Variants in RPRD2 observed in about 807,000 individuals in gnomAD.
RPRD2 encodes regulation of nuclear pre-mRNA domain-containing protein 2.
A neutral mutation model predicts 104.4 loss-of-function variants in RPRD2; 12 were observed. That is an observed-to-expected ratio of 0.11 (90% CI 0.07 to 0.19). The LOEUF (loss-of-function observed/expected upper bound fraction) is 0.19. RPRD2 is among the 10% of genes least tolerant of loss of function. The pLI is 1.00. For missense variants in RPRD2, 1,543 were observed against 1,790.1 expected (o/e 0.86, Z 2.49); for synonymous variants, 714 against 684.9 (o/e 1.04, Z -0.66).
intron 8 of RPRD2, among the ~76,000 whole-genome samples, chr1:150,458,217 G>A (rs1560219056): frequency 6.6e-6 from 1 of 152,186 alleles, no homozygotes; most frequent in Non-Finnish European, 1.5e-5. Context: ...CACTTTGTGA[G>A]GCTGAGGCGG....
At chr1:150,396,929 C>T (rs1662576084) in intron 1 of RPRD2, among the ~76,000 whole-genome samples, 1 of 152,084 alleles carries the variant, frequency 6.6e-6, no homozygotes, top group Non-Finnish European at 1.5e-5. Flanking sequence ...TAATGATTAC[C>T]ATAATAAATA....
chr1:150,457,192 C>T (rs782505321), intron 7 of RPRD2, 96 bp from the exon 8 acceptor site: 55 of 1,218,518 alleles, frequency 4.5e-5, no homozygotes, highest in Non-Finnish European at 6.0e-5. Context: ...CCACTACACT[C>T]TAGCCTGGGT....
rs776502024 is a variant in RPRD2 at position 150,471,299 on chromosome 1, A to G, written c.2351A>G (p.Asn784Ser). ...RDESYPRELS[N>S]SVSTYRPFGL... ...GAAAGCTACCCCCGAGAGCTCTCCA[A>G]TTCTGTATCTACATATCGACCCTTT... The change falls in exon 11 of 11, where the codon AAT (asparagine) becomes AGT (serine). Residue 784 changes from asparagine (N) to serine (S), a missense_variant. Asn to Ser is a conservative substitution (Grantham distance 46). This residue lies in a region of RPRD2 where 880 missense variants were observed against 885.6 expected (regional missense o/e 0.99). Transcript: ENST00000369068. This position sits in a 1 kb window ranked among gnomAD's most constrained non-coding sequence, Gnocchi z 5.3. The G allele has an allele frequency of 2.5e-6, 4 of 1,613,644 alleles. No homozygotes were observed. The highest frequency in any genetic ancestry group is 3.4e-6 in the Non-Finnish European group (4 of 1,179,860).
intron 7 of RPRD2, among the ~76,000 whole-genome samples, chr1:150,447,759 G>A (rs1409874787): frequency 6.6e-6 from 1 of 152,076 alleles, no homozygotes; most frequent in Non-Finnish European, 1.5e-5. Flanking sequence ...ACTGTGTATC[G>A]CCGTAAAAGC....
chr1:150,441,327 T>G (rs1220608958), intron 3 of RPRD2: 1 of 281,422 alleles, frequency 3.6e-6, no homozygotes, highest in East Asian at 9.1e-5. Context: ...GGTTCATTGT[T>G]TGTGTTAATA....
At chr1:150,444,513 T>C in intron 6 of RPRD2, 136 bp downstream of exon 6, 2 of 750,232 alleles carry the variant, frequency 2.7e-6, no homozygotes, top group Non-Finnish European at 4.2e-6. Context: ...TCCCAGGTAG[T>C]TATTTCATGC....
intron 7 of RPRD2, among the ~76,000 whole-genome samples, chr1:150,454,412 C>T (rs1196312714): frequency 6.6e-6 from 1 of 152,064 alleles, no homozygotes; most frequent in Non-Finnish European, 1.5e-5. Flanking sequence ...GTGGCCTTAG[C>T]ACTCTCCAGT....
Position 150,473,537 on chromosome 1 carries a change from T to A in RPRD2, c.*203T>A. 1 of 222,442 alleles carries A rather than the reference T, an allele frequency of 4.5e-6. No individual in the cohort carries two copies. The highest frequency in any genetic ancestry group is 8.2e-6 in the Non-Finnish European group (1 of 121,260). The allele number at this position is 222,442 out of a possible 1,614,324, so 13.8% of individuals were successfully genotyped here. ...CTCCCTCCCATTGCACTTATCTACC[T>A]TCCCCAAGTTGTTTGTATTAAAAAA... On this transcript the variant is annotated 3_prime_UTR_variant, in exon 11 of 11. Coordinates refer to ENST00000369068, the MANE Select transcript of RPRD2 (RefSeq NM_015203.5).
intron 7 of RPRD2, among the ~76,000 whole-genome samples, chr1:150,447,830 T>C (rs1321295783): frequency 2.0e-5 from 3 of 152,228 alleles, no homozygotes; most frequent in Non-Finnish European, 4.4e-5. Flanking sequence ...TAATGAATTT[T>C]GCTATTTTTT....
At chr1:150,402,860 C>T (rs587632599) in intron 1 of RPRD2, among the ~76,000 whole-genome samples, 30 of 152,028 alleles carry the variant, frequency 2.0e-4, no homozygotes, top group African/African-American at 5.1e-4. Context: ...CCCAATTACT[C>T]GGGAGGCTGA....
chr1:150,373,533 CTTTT>C (rs56743462), intron 1 of RPRD2, among the ~76,000 whole-genome samples: 6,156 of 97,412 alleles, frequency 0.063, 450 homozygotes, highest in African/African-American at 0.18. Context: ...TCAAGAATGA[CTTTT>C]TTTTTTTTTT....
In RPRD2 at chr1:150,472,617, T is replaced by C; in HGVS notation, c.3669T>C (p.His1223=). The C allele has an allele frequency of 6.2e-7, 1 of 1,613,846 alleles. No individual in the cohort carries two copies. The highest frequency in any genetic ancestry group is 8.5e-7 in the Non-Finnish European group (1 of 1,179,826). ...SSAPPVPPKD[H]GGIFSRDAPT... ...CCCCACCTGTCCCTCCTAAGGATCA[T>C]GGTGGTATCTTCTCTCGAGATGCAC... Residue 1223 remains histidine (H), a synonymous_variant, in exon 11 of 11, where the codon CAT becomes CAC. Transcript: ENST00000369068.
At chr1:150,377,996 G>C (rs868978554) in intron 1 of RPRD2, among the ~76,000 whole-genome samples, 19 of 152,106 alleles carry the variant, frequency 1.2e-4, no homozygotes, top group Admixed American at 3.3e-4. Flanking sequence ...CTAAGCATAA[G>C]CTTAATTTTG....
intron 7 of RPRD2, among the ~76,000 whole-genome samples, chr1:150,454,186 C>A (rs1164191830): frequency 2.0e-5 from 3 of 152,122 alleles, no homozygotes; most frequent in African/African-American, 7.2e-5. Flanking sequence ...AGAATCTTGG[C>A]CTTTCAGTCC....
chr1:150,403,226 G>C (rs1243926436), intron 1 of RPRD2, among the ~76,000 whole-genome samples: 1 of 151,966 alleles, frequency 6.6e-6, no homozygotes, highest in Non-Finnish European at 1.5e-5. Flanking sequence ...TTTAATACTT[G>C]CATACATATA....
chr1:150,411,011 A>C (rs782303116), intron 1 of RPRD2, among the ~76,000 whole-genome samples: 2 of 152,278 alleles, frequency 1.3e-5, no homozygotes, highest in East Asian at 3.9e-4. Context: ...CAGTTATGCA[A>C]TTACGCCTGG....
chr1:150,428,606 A>G (rs1665332735), intron 2 of RPRD2, among the ~76,000 whole-genome samples: 1 of 151,934 alleles, frequency 6.6e-6, no homozygotes, highest in African/African-American at 2.4e-5. Flanking sequence ...CAGCCTCCCA[A>G]GTAGCTGGCA....
intron 1 of RPRD2, among the ~76,000 whole-genome samples, chr1:150,400,471 T>A (rs77921377): frequency 0.014 from 2,107 of 152,258 alleles, 53 homozygotes; most frequent in African/African-American, 0.048. Context: ...CCTCAGATCA[T>A]CAGGCGTTGT....
intron 1 of RPRD2, 30 bp downstream of exon 1, chr1:150,364,949 A>G (rs1659718669): frequency 1.2e-6 from 2 of 1,608,330 alleles, no homozygotes; most frequent in Non-Finnish European, 1.7e-6. Context: ...AGGGAAGGGA[A>G]GACTGGGGAA....
Sources: allele counts gnomAD v4.1 joint callset (sites outside exome capture counted in the v4.1 genomes callset), GRCh38; gene constraint gnomAD v4.1.1; regional missense constraint gnomAD v4.1.1; non-coding constraint Gnocchi (gnomAD v3.1); transcripts MANE v1.5; gene names NCBI Gene and HGNC (gene_info 2026-07-23, HGNC 2026-07-21).